The following BCL2L14 variants were observed in gnomAD, a reference collection of about 807,000 sequenced individuals.
BCL2L14 encodes the protein apoptosis facilitator Bcl-2-like protein 14.
In BCL2L14, 27 loss-of-function variants were observed where a neutral mutation model predicts 35.3. The observed-to-expected ratio is 0.76, with a 90% CI of 0.56 to 1.05. The LOEUF (loss-of-function observed/expected upper bound fraction) is 1.05, where lower values mean the gene tolerates loss of function less well. Ranked by LOEUF, BCL2L14 falls within the 50% of genes least tolerant of loss-of-function variation. BCL2L14 has a pLI of 0.00. For missense variants in BCL2L14, 377 were observed against 382.6 expected, an observed-to-expected ratio of 0.99 and a Z score of 0.12; for synonymous variants, 139 against 145.9, an observed-to-expected ratio of 0.95 and a Z score of 0.34.
chr12:12,055,074 G>A (rs187057643), intron 2 of BCL2L14: 11 of 152,258 alleles, frequency 7.2e-5, no homozygotes, highest in Admixed American at 7.2e-4. Flanking sequence ...TAGAGAATGA[G>A]GCATTTTTCA....
intron 2 of BCL2L14, 98 bp from the exon 3 acceptor site, chr12:12,087,115 A>G: frequency 7.5e-7 from 1 of 1,326,816 alleles, no homozygotes; most frequent in Non-Finnish European, 1.1e-6. Flanking sequence ...GTTTCCTTCT[A>G]TTCTGGCCTG....
chr12:12,076,335 A>C (rs1166423609), intron 1 of BCL2L14, among the ~76,000 whole-genome samples: 1 of 111,048 alleles, frequency 9.0e-6, no homozygotes, highest in African/African-American at 2.7e-5. Flanking sequence ...AACGATTTGC[A>C]TGTAAGTGAA....
chr12:12,079,987 G>A (rs528234581), intron 2 of BCL2L14, among the ~76,000 whole-genome samples: 4 of 152,074 alleles, frequency 2.6e-5, no homozygotes, highest in South Asian at 2.1e-4. Flanking sequence ...GGTGGATCAT[G>A]AGGTCAGGAG....
intron 1 of BCL2L14, chr12:12,050,101 C>T (rs1948325481): frequency 6.6e-6 from 1 of 152,188 alleles, no homozygotes; most frequent in Admixed American, 6.5e-5. Flanking sequence ...AGTCTACTGA[C>T]CTCCCTGAGC....
Position 12,087,358 on chromosome 12 carries a change from C to T in BCL2L14, c.579C>T (p.His193=), listed in dbSNP as rs533658225. 8.0e-5 allele frequency: 129 copies of T among 1,614,214 alleles called. No individual in the cohort carries two copies. The South Asian group carries it at 1.2e-3, about 15-fold the overall frequency. The part of the protein sequence containing the change: ...TEGLSFQLQG[H]VPVASSSKKD... The stretch of plus-strand genomic sequence containing the variant: ...GTCTCTCCTTCCAGCTCCAAGGCCA[C>T]GTGCCTGTAGCTTCAAGTTCTAAGA... The change falls in exon 3 of 6, where the codon CAC becomes CAT. Residue 193 remains histidine (H), a synonymous_variant. Transcript: ENST00000308721.
intron 2 of BCL2L14, among the ~76,000 whole-genome samples, chr12:12,086,649 T>G (rs767194315): frequency 6.6e-6 from 1 of 152,198 alleles, no homozygotes; most frequent in Non-Finnish European, 1.5e-5. Context: ...CCAGTAGACA[T>G]GGAGAGGAGA....
rs1015589120 is a variant in BCL2L14 at position 12,094,752 on chromosome 12, G to T, written c.767G>T (p.Gly256Val). 7 of 1,614,096 alleles carry T rather than the reference G, an allele frequency of 4.3e-6. No homozygotes were observed. The African/African-American group carries it at 9.3e-5, about 22-fold the overall frequency. ...FKTITDQVLM[G>V]VDPRGESEVK... is the part of the protein sequence containing the mutation. The stretch of plus-strand genomic sequence containing the variant: ...ACCATCACAGACCAGGTCCTAATGG[G>T]TGTGGACCCCAGGGGAGAATCAGAG... The change falls in exon 5 of 6, where the codon GGT (glycine) becomes GTT (valine). Residue 256 changes from glycine (G) to valine (V), a missense_variant. By Grantham distance (109) the Gly-to-Val change is moderately radical. Coordinates refer to ENST00000308721, the MANE Select transcript of BCL2L14 (RefSeq NM_138723.2).
chr12:12,059,032 TC>T (rs1332174739), intron 2 of BCL2L14, among the ~76,000 whole-genome samples: 1 of 152,236 alleles, frequency 6.6e-6, no homozygotes, highest in Non-Finnish European at 1.5e-5. Flanking sequence ...TCTTTTAATT[TC>T]AGTTCCTTTC....
At chr12:12,079,771 C>T in intron 2 of BCL2L14, 33 bp downstream of exon 2, 1 of 1,590,736 alleles carries the variant, frequency 6.3e-7, no homozygotes. Context: ...TCTCCCGCTT[C>T]CTGGTTTTTC....
At chr12:12,080,001 G>C (rs542120161) in intron 2 of BCL2L14, among the ~76,000 whole-genome samples, 4 of 151,942 alleles carry the variant, frequency 2.6e-5, no homozygotes, top group Non-Finnish European at 5.9e-5. Flanking sequence ...TCAGGAGATT[G>C]AGACCATCCT....
chr12:12,075,421 CTTTCTTTCTTTCTTTT>C (rs1316870572), intron 1 of BCL2L14, among the ~76,000 whole-genome samples: 3 of 129,028 alleles, frequency 2.3e-5, no homozygotes, highest in African/African-American at 5.6e-5. Flanking sequence ...TTCTTTCTTT[CTTTCTTTCTTTCTTTT>C]TTTTTTGAGA....
intron 4 of BCL2L14, among the ~76,000 whole-genome samples, chr12:12,093,794 G>GA (rs36147842): frequency 0.017 from 2,203 of 131,658 alleles, 47 homozygotes; most frequent in African/African-American, 0.031. Context: ...CTCCATCTCA[G>GA]AAAAAAAAAA....
intron 2 of BCL2L14, among the ~76,000 whole-genome samples, chr12:12,062,794 G>C (rs368138491): frequency 7.9e-5 from 12 of 152,048 alleles, no homozygotes; most frequent in East Asian, 1.9e-4. Context: ...GATAACAGAC[G>C]AGCCTTTATT....
intron 1 of BCL2L14, among the ~76,000 whole-genome samples, chr12:12,050,246 C>T (rs1055613024): frequency 1.3e-5 from 2 of 151,954 alleles, no homozygotes; most frequent in African/African-American, 4.8e-5. Context: ...AATGCCCTGG[C>T]ATGCAAAGGC....
At position 12,099,649 on chromosome 12, in the gene BCL2L14, T is replaced by C. The variant is rs1949386179; in HGVS notation, c.*661T>C. On this transcript the variant is annotated 3_prime_UTR_variant, in exon 6 of 6. Transcript: ENST00000308721. ...TTCCTCATTCTTTGTGGTAGTACAA[T>C]GATTGGTAGCAGGTAAAATAAATAC... 1 of 152,220 alleles carries C rather than the reference T, an allele frequency of 6.6e-6. No homozygotes were observed. Among genetic ancestry groups the C allele is most frequent in the Admixed American group, 6.5e-5 (1 of 15,286 alleles). 9.4% of individuals were successfully genotyped at this position (152,220 alleles called of 1,614,324 possible). A position where few individuals can be genotyped will look rare whatever the true frequency, so the allele number is the denominator to read the frequency against.
chr12:12,057,755 T>TAAAAAAAA (rs370379966), intron 2 of BCL2L14, among the ~76,000 whole-genome samples: 4 of 120,336 alleles, frequency 3.3e-5, no homozygotes, highest in Non-Finnish European at 5.2e-5. Context: ...AAAACTCCAT[T>TAAAAAAAA]AAAAAAAAAA....
At chr12:12,083,969 C>T (rs977623743) in intron 2 of BCL2L14, among the ~76,000 whole-genome samples, 7 of 152,094 alleles carry the variant, frequency 4.6e-5, no homozygotes, top group Admixed American at 2.0e-4. Context: ...TGCCATCCCT[C>T]AGCTCGTGGC....
At chr12:12,061,461 C>G (rs957249116) in intron 2 of BCL2L14, among the ~76,000 whole-genome samples, 2 of 151,654 alleles carry the variant, frequency 1.3e-5, no homozygotes, top group African/African-American at 4.8e-5. Context: ...TATAAACTCT[C>G]CTTACAATTC....
intron 3 of BCL2L14, 94 bp from the exon 4 acceptor site, chr12:12,090,685 C>T: frequency 1.1e-6 from 1 of 900,374 alleles, no homozygotes; most frequent in Non-Finnish European, 1.7e-6. Flanking sequence ...CTTCCTCCAG[C>T]CCTTACCAAG....
Sources: gnomAD v4.1 joint callset for allele counts (sites outside exome capture counted in the v4.1 genomes callset) on GRCh38, gnomAD v4.1.1 for gene constraint, MANE v1.5 for transcripts, NCBI Gene and HGNC (gene_info 2026-07-23, HGNC 2026-07-21) for gene names.